The following IL34 variants were observed in gnomAD, a reference collection of about 807,000 sequenced individuals.
IL34 encodes the protein interleukin-34.
A neutral mutation model predicts 25.3 loss-of-function variants in IL34; 17 were observed. The observed-to-expected ratio is 0.67, with a 90% CI of 0.46 to 1.01. The LOEUF is 1.01. Ranked by LOEUF, IL34 falls within the 50% of genes least tolerant of loss-of-function variation. The pLI is 0.00. For synonymous variants in IL34, 174 were observed against 140.9 expected, an observed-to-expected ratio of 1.23 and a Z score of -1.66; for missense variants, 368 against 312.9, an observed-to-expected ratio of 1.18 and a Z score of -1.33.
intron 1 of IL34, among the ~76,000 whole-genome samples, chr16:70,620,713 CAA>C (rs1477978049): frequency 7.8e-6 from 1 of 129,010 alleles, no homozygotes; most frequent in Non-Finnish European, 1.7e-5. Flanking sequence ...TATTTTACAA[CAA>C]GAATTATTTA....
chr16:70,656,066 C>G (rs1330638726), intron 2 of IL34, among the ~76,000 whole-genome samples: 3 of 152,202 alleles, frequency 2.0e-5, no homozygotes, highest in Non-Finnish European at 4.4e-5. Context: ...AACGTGTCCT[C>G]ACTCTTGAGC....
intron 1 of IL34, among the ~76,000 whole-genome samples, chr16:70,611,352 TTG>T (rs765963213): frequency 1.3e-5 from 2 of 152,238 alleles, no homozygotes; most frequent in South Asian, 4.1e-4. Flanking sequence ...TACGGCAGAT[TTG>T]TGTCCTTCTC....
chr16:70,610,203 GA>G (rs532430858), intron 1 of IL34, among the ~76,000 whole-genome samples: 6,437 of 118,028 alleles, frequency 0.055, 461 homozygotes, highest in African/African-American at 0.18. Flanking sequence ...CTCTATCTCA[GA>G]AAAAAAAAAA....
At chr16:70,649,152 A>G (rs573643070) in intron 1 of IL34, among the ~76,000 whole-genome samples, 1 of 152,228 alleles carries the variant, frequency 6.6e-6, no homozygotes, top group Non-Finnish European at 1.5e-5. Flanking sequence ...TCCCTAGGAG[A>G]GAATTCAAGG....
At chr16:70,632,057 G>A (rs780203897) in intron 1 of IL34, among the ~76,000 whole-genome samples, 3 of 150,266 alleles carry the variant, frequency 2.0e-5, no homozygotes, top group South Asian at 2.1e-4. Flanking sequence ...AGTGGAGATC[G>A]TGCCACTGCA....
intron 1 of IL34, among the ~76,000 whole-genome samples, chr16:70,586,068 G>C (rs1357862957): frequency 6.6e-6 from 1 of 151,976 alleles, no homozygotes; most frequent in Non-Finnish European, 1.5e-5. Flanking sequence ...TCCTGACTTC[G>C]TGATCTGCCT....
chr16:70,639,706 G>C (rs1011622161), intron 1 of IL34, among the ~76,000 whole-genome samples: 3 of 152,178 alleles, frequency 2.0e-5, no homozygotes, highest in African/African-American at 7.2e-5. Context: ...TCTAATCCCA[G>C]CACTTAGGGA....
intron 1 of IL34, among the ~76,000 whole-genome samples, chr16:70,647,856 A>G (rs975992075): frequency 3.3e-5 from 5 of 152,182 alleles, no homozygotes; most frequent in Admixed American, 2.6e-4. Context: ...GCTGGACCCA[A>G]TGTTCTGGAA....
chr16:70,646,393 C>T (rs182587760), upstream of IL34, among the ~76,000 whole-genome samples: 9 of 152,306 alleles, frequency 5.9e-5, no homozygotes, highest in East Asian at 1.5e-3. Context: ...CAGGGCCGTT[C>T]GGACATCCTG....
chr16:70,605,044 G>T (rs940209189), intron 1 of IL34, among the ~76,000 whole-genome samples: 2 of 152,130 alleles, frequency 1.3e-5, no homozygotes, highest in African/African-American at 2.4e-5. Flanking sequence ...GGAGAAGGGT[G>T]TTTTGCTTAT....
chr16:70,637,417 C>T (rs950758524), intron 1 of IL34, among the ~76,000 whole-genome samples: 2 of 152,088 alleles, frequency 1.3e-5, no homozygotes, highest in Non-Finnish European at 2.9e-5. Context: ...GGTGTGATCT[C>T]AGCTCACTGC....
At chr16:70,656,299 G>C (rs1328525399) in intron 2 of IL34, among the ~76,000 whole-genome samples, 1 of 152,040 alleles carries the variant, frequency 6.6e-6, no homozygotes, top group African/African-American at 2.4e-5. Flanking sequence ...CACTTTGAGG[G>C]GCTTGAGCCC....
intron 4 of IL34, chr16:70,657,381 C>T (rs2052259173): frequency 4.6e-6 from 2 of 437,248 alleles, no homozygotes; most frequent in South Asian, 3.7e-5. Flanking sequence ...CTGCCTCTCT[C>T]CCTCTGGATC....
At chr16:70,640,480 C>T (rs964167993) in intron 1 of IL34, among the ~76,000 whole-genome samples, 7 of 151,558 alleles carry the variant, frequency 4.6e-5, no homozygotes, top group South Asian at 2.1e-4. Context: ...AAAAGTTAGC[C>T]GGGTGTGGTG....
rs956488613 is a variant in IL34 at position 70,652,586 on chromosome 16, T to C, written c.29-1952T>C. On this transcript the variant is annotated intron_variant, in intron 1 of 5. Coordinates refer to ENST00000288098, the MANE Select transcript of IL34 (RefSeq NM_001393494.1). ...TAATTGTTCTCATAGCACAGCCACA[T>C]CTTTGACAATGTGATTTTTATTGGC... 4.6e-5 allele frequency among the ~76,000 whole-genome samples: 7 copies of C among 152,354 alleles called. No homozygotes were observed. In the East Asian group the frequency reaches 1.2e-3, roughly 25 times the overall value.
At chr16:70,614,095 G>A (rs185526933) in intron 1 of IL34, among the ~76,000 whole-genome samples, 146 of 151,048 alleles carry the variant, frequency 9.7e-4, no homozygotes, top group South Asian at 3.3e-3. Context: ...GAGGTGGGAG[G>A]ACTGCTTGAA....
At chr16:70,632,593 G>A (rs2051544799) in intron 1 of IL34, among the ~76,000 whole-genome samples, 1 of 152,194 alleles carries the variant, frequency 6.6e-6, no homozygotes, top group Admixed American at 6.5e-5. Context: ...AAGCGGGCCA[G>A]TGGCTTTCCA....
chr16:70,655,117 A>G (rs1240845036), intron 2 of IL34, among the ~76,000 whole-genome samples: 2 of 150,550 alleles, frequency 1.3e-5, no homozygotes, highest in African/African-American at 2.5e-5. Flanking sequence ...CAGTGGCTCA[A>G]TCTTGGCTCA....
chr16:70,593,772 C>T (rs1302643571), intron 1 of IL34, among the ~76,000 whole-genome samples: 1 of 152,136 alleles, frequency 6.6e-6, no homozygotes, highest in African/African-American at 2.4e-5. Context: ...AGCAATCCTC[C>T]TGCTTTAGCT....
Sources: gnomAD v4.1 joint callset for allele counts (sites outside exome capture counted in the v4.1 genomes callset) on GRCh38, gnomAD v4.1.1 for gene constraint, MANE v1.5 for transcripts, NCBI Gene and HGNC (gene_info 2026-07-23, HGNC 2026-07-21) for gene names.